The following SAMMSON variants were observed in gnomAD, a reference collection of about 807,000 sequenced individuals.
SAMMSON encodes the protein survival associated mitochondrial melanoma specific oncogenic non-coding RNA.
chr3:70,119,737 G>A (rs1269481553), intron 4 of SAMMSON, among the ~76,000 whole-genome samples: 2 of 152,046 alleles, frequency 1.3e-5, no homozygotes, highest in Non-Finnish European at 2.9e-5. Context: ...TTTAATTTGT[G>A]TGTAAACACA....
intron 4 of SAMMSON, among the ~76,000 whole-genome samples, chr3:70,095,604 A>G (rs933757001): frequency 1.3e-5 from 2 of 152,152 alleles, no homozygotes; most frequent in Non-Finnish European, 2.9e-5. Flanking sequence ...AGCTCTGCCA[A>G]TTGCCAGGAA....
At chr3:70,414,503 G>T (rs1238130079) in intron 2 of SAMMSON, among the ~76,000 whole-genome samples, 2 of 152,136 alleles carry the variant, frequency 1.3e-5, no homozygotes, top group African/African-American at 4.8e-5. Context: ...GTCACTTACT[G>T]TGTGATCTTC....
intron 7 of SAMMSON, among the ~76,000 whole-genome samples, chr3:70,302,984 C>G (rs1702365326): frequency 6.6e-6 from 1 of 152,132 alleles, no homozygotes; most frequent in South Asian, 2.1e-4. Flanking sequence ...AAGATCTCAT[C>G]TTTTGCTGAA....
Position 70,081,108 on chromosome 3 carries a change from T to A in SAMMSON, n.507+9543T>A, listed in dbSNP as rs9843571. Among the ~76,000 whole-genome samples the A allele has an allele frequency of 2.5e-3, 388 of 152,234 alleles. 1 individual carries two copies. The highest frequency in any genetic ancestry group is 9.0e-3 in the African/African-American group (375 of 41,554). On this transcript the variant is annotated intron_variant and non_coding_transcript_variant, in intron 4 of 9. Coordinates refer to ENST00000642114, the Ensembl canonical transcript of SAMMSON. ...ATTTCTTCATAGCTTTCTTTGTTGT[T>A]GTTTTGTTTTTGTTTTTGTTTTTAA...
intron 7 of SAMMSON, among the ~76,000 whole-genome samples, chr3:70,333,936 T>C (rs530971814): frequency 6.6e-6 from 1 of 152,294 alleles, no homozygotes; most frequent in East Asian, 1.9e-4. Context: ...CTCACTTGGT[T>C]TAGTTATCTG....
intron 6 of SAMMSON, among the ~76,000 whole-genome samples, chr3:70,269,411 T>C (rs1409004397): frequency 6.6e-6 from 1 of 152,210 alleles, no homozygotes; most frequent in Non-Finnish European, 1.5e-5. Flanking sequence ...CCCTGAGTTT[T>C]GGCCAATCAA....
At chr3:70,052,488 G>C (rs765842358) in intron 3 of SAMMSON, among the ~76,000 whole-genome samples, 2 of 152,006 alleles carry the variant, frequency 1.3e-5, no homozygotes, top group African/African-American at 2.4e-5. Context: ...TATAATTTCA[G>C]CATTAAATTT....
At chr3:70,393,908 G>T (rs1311208587), downstream of SAMMSON, among the ~76,000 whole-genome samples, 1 of 152,170 alleles carries the variant, frequency 6.6e-6, no homozygotes, top group Non-Finnish European at 1.5e-5. Context: ...ACGTTGGGAA[G>T]TGGCATGATT....
chr3:70,348,363 T>C (rs1702768048), intron 7 of SAMMSON, among the ~76,000 whole-genome samples: 1 of 152,146 alleles, frequency 6.6e-6, no homozygotes, highest in South Asian at 2.1e-4. Context: ...TAAACAAGTT[T>C]TCACAGTTGC....
intron 6 of SAMMSON, among the ~76,000 whole-genome samples, chr3:70,264,914 T>C (rs1701901852): frequency 6.6e-6 from 1 of 152,188 alleles, no homozygotes; most frequent in South Asian, 2.1e-4. Flanking sequence ...TGACTCATAG[T>C]TCCACATGGC....
At chr3:70,284,448 CA>C (rs1299352704) in intron 6 of SAMMSON, among the ~76,000 whole-genome samples, 1 of 152,074 alleles carries the variant, frequency 6.6e-6, no homozygotes, top group Non-Finnish European at 1.5e-5. Context: ...TGAAGAATGA[CA>C]AGAGATTGGA....
intron 2 of SAMMSON, among the ~76,000 whole-genome samples, chr3:70,412,632 C>T (rs1701229408): frequency 6.6e-6 from 1 of 152,252 alleles, no homozygotes; most frequent in South Asian, 2.1e-4. Context: ...TATTTTAACA[C>T]GATATTTCCT....
At chr3:70,143,351 T>G (rs1407354856) in intron 4 of SAMMSON, among the ~76,000 whole-genome samples, 1 of 150,822 alleles carries the variant, frequency 6.6e-6, no homozygotes, top group Non-Finnish European at 1.5e-5. Context: ...ATAAGAAGAA[T>G]CAGGGTATAT....
intron 2 of SAMMSON, among the ~76,000 whole-genome samples, chr3:70,422,387 A>G (rs1242736894): frequency 2.0e-5 from 3 of 152,028 alleles, no homozygotes; most frequent in Non-Finnish European, 4.4e-5. Flanking sequence ...CTTTGCTTTT[A>G]CCATATTAAT....
At chr3:70,333,494 A>T (rs947097646) in intron 7 of SAMMSON, among the ~76,000 whole-genome samples, 1 of 152,314 alleles carries the variant, frequency 6.6e-6, no homozygotes, top group African/African-American at 2.4e-5. Context: ...TGTCTTGTCT[A>T]CATGTTCTGC....
At chr3:70,295,381 T>C (rs1005307930) in intron 7 of SAMMSON, among the ~76,000 whole-genome samples, 1 of 152,130 alleles carries the variant, frequency 6.6e-6, no homozygotes, top group Non-Finnish European at 1.5e-5. Context: ...ACTCAACCCT[T>C]TGACTGAATT....
At chr3:70,002,858 C>T (rs934450506) in intron 1 of SAMMSON, among the ~76,000 whole-genome samples, 1 of 151,988 alleles carries the variant, frequency 6.6e-6, no homozygotes. Context: ...TATGTACTTG[C>T]TTTGAATTGG....
intron 9 of SAMMSON, among the ~76,000 whole-genome samples, chr3:70,362,600 GA>G (rs11457875): frequency 2.0e-5 from 3 of 150,524 alleles, no homozygotes; most frequent in Admixed American, 1.3e-4. Flanking sequence ...GTGAGGAATA[GA>G]AAAAAAAAGA....
chr3:70,376,204 T>C (rs1703013315), intron 9 of SAMMSON, among the ~76,000 whole-genome samples: 1 of 152,202 alleles, frequency 6.6e-6, no homozygotes, highest in Admixed American at 6.5e-5. Flanking sequence ...CAATTGGCTA[T>C]TTAGCCTTCA....
Sources: gnomAD v4.1 joint callset for allele counts (sites outside exome capture counted in the v4.1 genomes callset) on GRCh38, gnomAD v4.1.1 for gene constraint, MANE v1.5 for transcripts, NCBI Gene and HGNC (gene_info 2026-07-23, HGNC 2026-07-21) for gene names.